The following AGL variants were observed in gnomAD, a reference collection of about 807,000 sequenced individuals.
AGL encodes glycogen debranching enzyme.
A neutral mutation model predicts 199.3 loss-of-function variants in AGL; 128 were observed. The observed-to-expected ratio is 0.64, with a 90% CI of 0.56 to 0.74. AGL has a LOEUF of 0.74. AGL is among the 30% of genes least tolerant of loss of function. AGL has a pLI of 0.00. For synonymous variants in AGL, 584 were observed against 594.7 expected, an observed-to-expected ratio of 0.98 and a Z score of 0.26; for missense variants, 1,809 against 1,820.8, an observed-to-expected ratio of 0.99 and a Z score of 0.12.
At chr1:99,870,641 A>AAT (rs1198990337) in intron 6 of AGL, 60 bp downstream of exon 6, 5 of 1,572,912 alleles carry the variant, frequency 3.2e-6, no homozygotes, top group Non-Finnish European at 4.4e-6. Flanking sequence ...GCACACATTA[A>AAT]ATATATGGTT....
chr1:99,902,357 A>G (rs1326672427), intron 26 of AGL, among the ~76,000 whole-genome samples: 1 of 152,198 alleles, frequency 6.6e-6, no homozygotes, highest in East Asian at 1.9e-4. Context: ...TAAAATTCAG[A>G]TGCTGGATAA....
At position 99,921,798 on chromosome 1, in the gene AGL, AT is replaced by A; in HGVS notation, c.*149del. 1 of 537,718 alleles carries A rather than the reference AT, an allele frequency of 1.9e-6. No homozygotes were observed. The highest frequency in any genetic ancestry group is 3.2e-6 in the Non-Finnish European group (1 of 309,332). 33.3% of individuals were successfully genotyped at this position (537,718 alleles called of 1,614,324 possible). A position where few individuals can be genotyped will look rare whatever the true frequency, so the allele number is the denominator to read the frequency against. Reference sequence around the variant, plus strand: ...CTCAATTAGGTAAGATTGTAAAAGCATTGATTTTTTTTAATGTACAGAGGTA... The same window carrying A: ...CTCAATTAGGTAAGATTGTAAAAGCATGATTTTTTTTAATGTACAGAGGTA... On this transcript the variant is annotated 3_prime_UTR_variant, in exon 34 of 34. Transcript: ENST00000361915.
Position 99,915,480 on chromosome 1 carries a change from A to G in AGL, c.4253A>G (p.Asp1418Gly). Residue 1418 changes from aspartate to glycine, a missense_variant, in exon 31 of 34, where the codon GAT becomes GGT. Physicochemically the swap from Asp to Gly is moderately conservative, Grantham distance 94 (BLOSUM62 -1). Transcript: ENST00000361915. Reference protein sequence around the residue: ...LLGPLGMKTLDPDDMVYCGIY... With the variant: ...LLGPLGMKTLGPDDMVYCGIY... ...GGTCCCCTTGGCATGAAAACTTTAG[A>G]TCCAGAGTAAGTTGGAATATAAGTA... 6.2e-7 allele frequency: 1 copy of G among 1,603,700 alleles called. No individual in the cohort carries two copies. Among genetic ancestry groups the G allele is most frequent in the Non-Finnish European group, 8.5e-7 (1 of 1,170,652 alleles).
rs140933379 is a variant in AGL at position 99,883,150 on chromosome 1, A to C, written c.2309-970A>C. Among the ~76,000 whole-genome samples the C allele has an allele frequency of 1.7e-3, 266 of 152,276 alleles. 3 individuals carry two copies. Among genetic ancestry groups the C allele is most frequent in the African/African-American group, 6.0e-3 (249 of 41,576 alleles). On this transcript the variant is annotated intron_variant, in intron 17 of 33. Coordinates refer to ENST00000361915, the MANE Select transcript of AGL (RefSeq NM_000642.3). Reference sequence around the variant, plus strand: ...TATAGTATGTTTAGTAGTGTTACTAAGTGTTAAATATACAGTAAGGATAAT... The same window carrying C: ...TATAGTATGTTTAGTAGTGTTACTACGTGTTAAATATACAGTAAGGATAAT...
intron 33 of AGL, among the ~76,000 whole-genome samples, chr1:99,918,515 G>A (rs571792370): frequency 6.6e-6 from 1 of 152,108 alleles, no homozygotes; most frequent in Admixed American, 6.6e-5. Context: ...GAGCGACAGG[G>A]GTCTTGCTAT....
At chr1:99,858,800 T>A (rs969726271) in intron 2 of AGL, among the ~76,000 whole-genome samples, 2 of 151,994 alleles carry the variant, frequency 1.3e-5, no homozygotes, top group Admixed American at 1.3e-4. Context: ...AAAGGTTTTT[T>A]CTACCCACTA....
chr1:99,884,585 C>T lies in AGL; in HGVS notation c.2563C>T (p.His855Tyr). The T allele has an allele frequency of 1.2e-6, 2 of 1,613,912 alleles. No homozygotes were observed. The highest frequency in any genetic ancestry group is 1.3e-5 in the African/African-American group (1 of 75,034). Residue 855 changes from histidine (H) to tyrosine (Y), a missense_variant, in exon 20 of 34, where the codon CAT becomes TAT. Transcript: ENST00000361915. ...VIIFRVSLDP[H>Y]AQVAVGILRN... ...CATTTTCAGAGTTAGTCTTGATCCA[C>T]ATGCACAAGTCGCTGTTGGAATTCT...
In AGL at chr1:99,922,604, G is replaced by A. The variant is rs543846934; in HGVS notation, c.*953G>A. On this transcript the variant is annotated 3_prime_UTR_variant, in exon 34 of 34. Transcript: ENST00000361915. The stretch of plus-strand genomic sequence containing the variant: ...CTTAAATTCAATAAAATCACTGGAA[G>A]TTTTTCATGATAACTTATTTTAAGA... The A allele has an allele frequency of 1.3e-5, 2 of 151,736 alleles. No individual in the cohort carries two copies. Among genetic ancestry groups the A allele is most frequent in the Admixed American group, 1.3e-4 (2 of 15,252 alleles). The allele number at this position is 151,736 out of a possible 1,614,324, so 9.4% of individuals were successfully genotyped here. A position where few individuals can be genotyped will look rare whatever the true frequency, so the allele number is the denominator to read the frequency against.
At chr1:99,867,674 G>C (rs934562513) in intron 5 of AGL, among the ~76,000 whole-genome samples, 3 of 151,774 alleles carry the variant, frequency 2.0e-5, no homozygotes, top group Non-Finnish European at 4.4e-5. Context: ...TTGTGCCTCA[G>C]CCTCCCGAGT....
intron 2 of AGL, 37 bp downstream of exon 2, chr1:99,851,161 C>T (rs1648922264): frequency 1.3e-6 from 2 of 1,513,566 alleles, no homozygotes; most frequent in East Asian, 4.5e-5. Context: ...TCATTTGCGT[C>T]TTTTAAACTT....
intron 20 of AGL, among the ~76,000 whole-genome samples, chr1:99,885,278 G>T (rs1316256072): frequency 6.6e-6 from 1 of 152,054 alleles, no homozygotes; most frequent in African/African-American, 2.4e-5. Flanking sequence ...TATGATCTTG[G>T]ATCTATTGTT....
rs1261746082 is a variant in AGL, at chr1:99,902,736, C to T, written c.3642C>T (p.Gly1214=). The T allele has an allele frequency of 3.7e-6, 6 of 1,613,444 alleles. No homozygotes were observed. In the African/African-American group the frequency reaches 4.0e-5, roughly 11 times the overall value. ...IQEAMQKHMQ[G]IQFRERNAGP... is the part of the protein sequence containing the mutation. ...AAGCAATGCAAAAACACATGCAGGG[C>T]ATACAGTTCCGAGAAAGGAATGCTG... The change falls in exon 27 of 34, where the codon GGC becomes GGT. Residue 1214 remains glycine (G), a synonymous_variant. Transcript: ENST00000361915.
intron 21 of AGL, among the ~76,000 whole-genome samples, chr1:99,890,238 G>C (rs1055269772): frequency 2.6e-5 from 4 of 152,030 alleles, no homozygotes; most frequent in African/African-American, 9.7e-5. Context: ...CATTCCGTTG[G>C]TCATCATCAG....
At chr1:99,875,709 A>G (rs1352180325) in intron 10 of AGL, among the ~76,000 whole-genome samples, 2 of 152,218 alleles carry the variant, frequency 1.3e-5, no homozygotes, top group African/African-American at 4.8e-5. Flanking sequence ...CATACTTAGT[A>G]ATAAATTCAA....
intron 25 of AGL, among the ~76,000 whole-genome samples, chr1:99,899,263 G>A (rs1052726219): frequency 2.0e-5 from 3 of 152,138 alleles, no homozygotes; most frequent in Non-Finnish European, 4.4e-5. Flanking sequence ...TAGCCAAAAA[G>A]CAGTAAGACC....
intron 27 of AGL, among the ~76,000 whole-genome samples, chr1:99,907,191 AT>A (rs1302533134): frequency 6.6e-6 from 1 of 152,092 alleles, no homozygotes; most frequent in African/African-American, 2.4e-5. Flanking sequence ...CCCTTTGCCC[AT>A]TTTTTAATTG....
chr1:99,860,458 G>C (rs186695001), intron 2 of AGL, among the ~76,000 whole-genome samples: 303 of 152,164 alleles, frequency 2.0e-3, no homozygotes, highest in Non-Finnish European at 3.3e-3. Context: ...ACCATAGTCA[G>C]TATTTTTGTA....
chr1:99,873,052 A>T (rs542129381), intron 7 of AGL, among the ~76,000 whole-genome samples: 2 of 152,094 alleles, frequency 1.3e-5, no homozygotes, highest in South Asian at 4.1e-4. Context: ...TTTTCAATGT[A>T]GTCAAACTTT....
In AGL at chr1:99,870,862, T is replaced by G. The variant is rs1185827766; in HGVS notation, c.951T>G (p.Leu317=). ...NKAVEQFRRL[L]TQENRRVTKS... ...CGGTTGAGCAATTTAGAAGACTTCTTACACAAGGTAAAGGATACATACTAG... is the reference window on the plus strand; with the variant it reads ...CGGTTGAGCAATTTAGAAGACTTCTGACACAAGGTAAAGGATACATACTAG... Residue 317 remains leucine, a synonymous_variant, in exon 7 of 34, where the codon CTT becomes CTG. Transcript: ENST00000361915. The G allele has an allele frequency of 7.0e-6, 11 of 1,573,774 alleles. No homozygotes were observed. Among genetic ancestry groups the G allele is most frequent in the Non-Finnish European group, 9.6e-6 (11 of 1,143,940 alleles).
Sources: allele counts gnomAD v4.1 joint callset (sites outside exome capture counted in the v4.1 genomes callset), GRCh38; gene constraint gnomAD v4.1.1; transcripts MANE v1.5; gene names NCBI Gene and HGNC (gene_info 2026-07-23, HGNC 2026-07-21).